Variants in LYPD5 observed in about 807,000 individuals in gnomAD.
The protein encoded by LYPD5 is LY6/PLAUR domain containing 5.
In LYPD5, 21 loss-of-function variants were observed where a neutral mutation model predicts 19.1. The ratio of observed to expected loss-of-function variants is 1.10; its 90% CI spans 0.78 to 1.58. The LOEUF is 1.58. LYPD5 is among the 40% of genes most tolerant of loss of function. LYPD5 has a pLI of 0.00. For synonymous variants in LYPD5, 128 were observed against 142.7 expected, an observed-to-expected ratio of 0.90 and a Z score of 0.74; for missense variants, 287 against 329.8, an observed-to-expected ratio of 0.87 and a Z score of 1.00.
At chr19:43,806,981 C>T (rs538748564), upstream of LYPD5, among the ~76,000 whole-genome samples, 13 of 152,236 alleles carry the variant, frequency 8.5e-5, no homozygotes, top group African/African-American at 3.1e-4. Context: ...CATAATGTCC[C>T]GAAGGTATAA....
chr19:43,798,742 C>T, intron 3 of LYPD5, 70 bp downstream of exon 3: 1 of 1,568,228 alleles, frequency 6.4e-7, no homozygotes. Context: ...CCAGCGGAGG[C>T]CACGCCTTCC....
At chr19:43,813,711 G>A (rs11878986) in intron 1 of LYPD5, among the ~76,000 whole-genome samples, 1,957 of 152,214 alleles carry the variant, frequency 0.013, 37 homozygotes, top group African/African-American at 0.044. Context: ...TTATTGAGAC[G>A]CTGTTTCATT....
rs540160332 is a variant in LYPD5, at chr19:43,799,036, C to T, written c.194-48G>A. 498 of 1,507,966 alleles carry T rather than the reference C, an allele frequency of 3.3e-4. 9 individuals carry two copies. In the South Asian group the frequency reaches 6.1e-3, roughly 18 times the overall value. The allele number at this position is 1,507,966 out of a possible 1,614,324, so 93.4% of individuals were successfully genotyped here. A position where few individuals can be genotyped will look rare whatever the true frequency, so the allele number is the denominator to read the frequency against. On this transcript the variant is annotated intron_variant, in intron 2 of 4. Coordinates refer to ENST00000377950, the MANE Select transcript of LYPD5 (RefSeq NM_001031749.3). ...TGCTCTGCTTCCCGAAACCCTTCTC[C>T]CTCCAGTCTCAGCGTTCTTCCTCCT...
At chr19:43,808,620 G>A (rs948661963) in intron 1 of LYPD5, among the ~76,000 whole-genome samples, 1 of 152,176 alleles carries the variant, frequency 6.6e-6, no homozygotes, top group Non-Finnish European at 1.5e-5. Flanking sequence ...CCCAAAAGTG[G>A]AAGGAGTAAA....
chr19:43,804,388 T>C (rs1460064342), upstream of LYPD5, among the ~76,000 whole-genome samples: 2 of 97,554 alleles, frequency 2.1e-5, no homozygotes, highest in Admixed American at 1.3e-4. Flanking sequence ...GATGGACACA[T>C]CCCATTGACA....
intron 4 of LYPD5, 92 bp downstream of exon 4, chr19:43,798,363 C>G: frequency 6.8e-7 from 1 of 1,473,560 alleles, no homozygotes; most frequent in Non-Finnish European, 9.3e-7. Context: ...AGGGCCATGT[C>G]TCCCTGTTGG....
chr19:43,813,321 T>TTG (rs1555729313), intron 1 of LYPD5, among the ~76,000 whole-genome samples: 5 of 152,144 alleles, frequency 3.3e-5, no homozygotes, highest in African/African-American at 1.2e-4. Flanking sequence ...CGTCTCTCTC[T>TTG]CGCTCTCTCT....
At position 43,816,063 on chromosome 19, in the gene LYPD5, T is replaced by TATCTATCTATCTATCA. The variant is rs1555729540; in HGVS notation, c.-66+4476_-66+4477insTGATAGATAGATAGAT. Among the ~76,000 whole-genome samples, 884 of 152,068 alleles carry TATCTATCTATCTATCA rather than the reference T, an allele frequency of 5.8e-3. 7 individuals are homozygous for TATCTATCTATCTATCA. The highest frequency in any genetic ancestry group is 0.021 in the African/African-American group (854 of 41,426). On this transcript the variant is annotated intron_variant, in intron 1 of 4. Transcript: ENST00000414615. The stretch of plus-strand genomic sequence containing the variant: ...CTATCTATCTATCTATCTATCTATC[T>TATCTATCTATCTATCA]ATCTATCTATCTATCTACCTATCAT...
upstream of LYPD5, among the ~76,000 whole-genome samples, chr19:43,805,211 A>G (rs1970261024): frequency 6.6e-6 from 1 of 152,158 alleles, no homozygotes; most frequent in Admixed American, 6.5e-5. Flanking sequence ...TTTGATTTTC[A>G]TAAGCAGTTT....
intron 1 of LYPD5, among the ~76,000 whole-genome samples, chr19:43,813,070 A>G (rs1599698364): frequency 6.6e-6 from 1 of 152,224 alleles, no homozygotes; most frequent in Non-Finnish European, 1.5e-5. Context: ...CTGTAAGAAT[A>G]AATTCCTGCC....
rs1202096498 is a variant in LYPD5, at chr19:43,797,623, G to A, written c.724C>T (p.Pro242Ser). 5.0e-6 allele frequency: 8 copies of A among 1,611,342 alleles called. No homozygotes were observed. Among genetic ancestry groups the A allele is most frequent in the African/African-American group, 1.3e-5 (1 of 75,016 alleles). ...GAGAGCCCCACCAGCAGGAGGACTG[G>A]GAGGAGCAGGGCCAGGACCTGTAGT... ...RALQVLALLL[P>S]VLLLVGLSA The change falls in exon 5 of 5, where the codon CCA becomes TCA. Residue 242 changes from proline to serine, a missense_variant. Physicochemically the swap from Pro to Ser is moderately conservative, Grantham distance 74. Transcript: ENST00000377950.
intron 1 of LYPD5, among the ~76,000 whole-genome samples, chr19:43,815,154 G>A (rs1482556652): frequency 6.6e-6 from 1 of 152,100 alleles, no homozygotes; most frequent in Non-Finnish European, 1.5e-5. Flanking sequence ...CTGCTGTAGA[G>A]CTCTCACCTG....
chr19:43,799,915 A>G (rs1970201064), intron 1 of LYPD5, 81 bp from the exon 2 acceptor site: 1 of 1,484,178 alleles, frequency 6.7e-7, no homozygotes, highest in Non-Finnish European at 9.0e-7. Context: ...AGCAAATGAC[A>G]GGCACACGGG....
upstream of LYPD5, among the ~76,000 whole-genome samples, chr19:43,803,371 T>C (rs1320845503): frequency 6.6e-6 from 1 of 152,086 alleles, no homozygotes; most frequent in Non-Finnish European, 1.5e-5. Flanking sequence ...CCCCAGCAGG[T>C]GGTTGGTGCT....
rs1970235660 is a variant in LYPD5 at position 43,802,411 on chromosome 19, C to T, written c.-31G>A. The T allele has an allele frequency of 1.3e-6, 2 of 1,548,376 alleles. No individual in the cohort carries two copies. Among genetic ancestry groups the T allele is most frequent in the Middle Eastern group, 1.7e-4 (1 of 5,980 alleles). ...AGCTGGGCCACCTGGGACAGCTCCT[C>T]CCGCTGTGATGTGCTGCCTGGCTGG... On this transcript the variant is annotated 5_prime_UTR_variant, in exon 1 of 5. Coordinates refer to ENST00000377950, the MANE Select transcript of LYPD5 (RefSeq NM_001031749.3).
In LYPD5 at chr19:43,796,761, G is replaced by C. The variant is rs1970135978; in HGVS notation, c.*830C>G. 1 of 152,074 alleles carries C rather than the reference G, an allele frequency of 6.6e-6. No homozygotes were observed. Among genetic ancestry groups the C allele is most frequent in the South Asian group, 2.1e-4 (1 of 4,818 alleles). 9.4% of individuals were successfully genotyped at this position (152,074 alleles called of 1,614,324 possible). A position where few individuals can be genotyped will look rare whatever the true frequency, so the allele number is the denominator to read the frequency against. ...CTCAGTTTGTTGACCTGTGACTTAG[G>C]GCTTATGACAAGTAGCCCATTTACA... On this transcript the variant is annotated 3_prime_UTR_variant, in exon 5 of 5. Transcript: ENST00000377950.
At position 43,802,413 on chromosome 19, in the gene LYPD5, C is replaced by T. The variant is rs1004216039; in HGVS notation, c.-33G>A. 1.7e-5 allele frequency: 26 copies of T among 1,546,226 alleles called. No individual in the cohort carries two copies. Among genetic ancestry groups the T allele is most frequent in the African/African-American group, 5.5e-5 (4 of 73,026 alleles). On this transcript the variant is annotated 5_prime_UTR_variant, in exon 1 of 5. Coordinates refer to ENST00000377950, the MANE Select transcript of LYPD5 (RefSeq NM_001031749.3). ...CTGGGCCACCTGGGACAGCTCCTCC[C>T]GCTGTGATGTGCTGCCTGGCTGGTT...
rs943499541 is a variant in LYPD5 at position 43,798,694 on chromosome 19, C to T, written c.371-93G>A. The T allele has an allele frequency of 5.0e-6, 8 of 1,585,078 alleles. No individual in the cohort carries two copies. In the African/African-American group the frequency reaches 8.1e-5, roughly 16 times the overall value. On this transcript the variant is annotated intron_variant, in intron 3 of 4. Coordinates refer to ENST00000377950, the MANE Select transcript of LYPD5 (RefSeq NM_001031749.3). ...GCGCCAGAGCCCGCGCCTAGCACGT[C>T]TCGGGGGTTGGGATCCTAGCGCGCC...
At chr19:43,798,773 A>G (rs751825099) in intron 3 of LYPD5, 39 bp downstream of exon 3, 3 of 1,581,736 alleles carry the variant, frequency 1.9e-6, no homozygotes, top group African/African-American at 2.7e-5. Flanking sequence ...CAGGCCTCTC[A>G]TCGTCCCTCC....
Sources: gnomAD v4.1 joint callset for allele counts (sites outside exome capture counted in the v4.1 genomes callset) on GRCh38, gnomAD v4.1.1 for gene constraint, MANE v1.5 for transcripts, NCBI Gene and HGNC (gene_info 2026-07-23, HGNC 2026-07-21) for gene names.